The following BPIFC variants were observed in gnomAD, a reference collection of about 807,000 sequenced individuals.
The protein encoded by BPIFC is BPI fold containing family C.
In BPIFC, 60 loss-of-function variants were observed where a neutral mutation model predicts 57.6. The observed-to-expected ratio is 1.04, with a 90% confidence interval of 0.85 to 1.29. BPIFC has a LOEUF of 1.29. Ranked by LOEUF, BPIFC falls within the 50% of genes most tolerant of loss-of-function variation. The probability of loss-of-function intolerance (pLI) is 0.00; values close to 1 mark genes in which losing one functional copy is unlikely to be tolerated. For synonymous variants in BPIFC, 243 were observed against 224.5 expected, an observed-to-expected ratio of 1.08 and a Z score of -0.74; for missense variants, 581 against 600.5, an observed-to-expected ratio of 0.97 and a Z score of 0.34.
intron 7 of BPIFC, 71 bp from the exon 8 acceptor site, chr22:32,442,802 A>G (rs1431686327): frequency 1.9e-5 from 27 of 1,430,216 alleles, no homozygotes; most frequent in Non-Finnish European, 2.4e-5. Context: ...TGATGGGCCT[A>G]GACCCTGCAA....
chr22:32,427,168 C>A (rs549327480), intron 13 of BPIFC, among the ~76,000 whole-genome samples: 1 of 152,112 alleles, frequency 6.6e-6, no homozygotes, highest in African/African-American at 2.4e-5. Flanking sequence ...CACACATTTC[C>A]GGGATGATGT....
At chr22:32,449,571 C>T (rs994550328) in intron 4 of BPIFC, among the ~76,000 whole-genome samples, 2 of 152,042 alleles carry the variant, frequency 1.3e-5, no homozygotes, top group African/African-American at 4.8e-5. Flanking sequence ...CAGGTCTAAC[C>T]AATTCTTTAT....
rs1568955732 is a variant in BPIFC at position 32,446,881 on chromosome 22, T to A, written c.374+331A>T. On this transcript the variant is annotated intron_variant, in intron 5 of 16. Coordinates refer to ENST00000300399, the MANE Select transcript of BPIFC (RefSeq NM_174932.3). ...CCTGCAGATGGGGAAGTGTGTTGAA[T>A]GGCTGGCTCAAGATCATGCAGTGAT... 4 of 857,000 alleles carry A rather than the reference T, an allele frequency of 4.7e-6. No individual in the cohort carries two copies. In the East Asian group the frequency reaches 3.6e-4, roughly 78 times the overall value. 53.1% of individuals were successfully genotyped at this position (857,000 alleles called of 1,614,324 possible). A position where few individuals can be genotyped will look rare whatever the true frequency, so the allele number is the denominator to read the frequency against.
chr22:32,453,175 C>G (rs1934941089), intron 4 of BPIFC, among the ~76,000 whole-genome samples: 1 of 152,146 alleles, frequency 6.6e-6, no homozygotes, highest in Non-Finnish European at 1.5e-5. Flanking sequence ...CTTTTAGCTG[C>G]CTGAAACATG....
chr22:32,447,072 TG>T, intron 5 of BPIFC, 139 bp downstream of exon 5: 1 of 1,238,536 alleles, frequency 8.1e-7, no homozygotes, highest in Non-Finnish European at 1.1e-6. Context: ...AAGCCTCACC[TG>T]GAAAAAAATG....
intron 13 of BPIFC, among the ~76,000 whole-genome samples, chr22:32,427,105 T>C (rs1002230100): frequency 6.6e-6 from 1 of 152,142 alleles, no homozygotes; most frequent in Non-Finnish European, 1.5e-5. Flanking sequence ...TCAGGGTTCA[T>C]GTTCATGAGG....
At chr22:32,418,675 C>T (rs1294298224) in intron 14 of BPIFC, among the ~76,000 whole-genome samples, 1 of 152,032 alleles carries the variant, frequency 6.6e-6, no homozygotes, top group African/African-American at 2.4e-5. Flanking sequence ...AAATGAATAC[C>T]GTTAATACTA....
intron 13 of BPIFC, among the ~76,000 whole-genome samples, chr22:32,421,120 G>A (rs181123953): frequency 2.0e-5 from 3 of 152,324 alleles, no homozygotes; most frequent in Non-Finnish European, 4.4e-5. Context: ...AAGGCTGAGT[G>A]ACAGCGTGTC....
At chr22:32,429,505 C>CTTT (rs1934169835) in intron 13 of BPIFC, among the ~76,000 whole-genome samples, 2 of 101,498 alleles carry the variant, frequency 2.0e-5, no homozygotes, top group Admixed American at 1.1e-4. Context: ...GGCAACTGGC[C>CTTT]TTTGTTTTTT....
At chr22:32,444,637 C>G (rs771267658) in intron 7 of BPIFC, among the ~76,000 whole-genome samples, 6 of 152,310 alleles carry the variant, frequency 3.9e-5, no homozygotes, top group Middle Eastern at 6.8e-3. Context: ...AGACTAGAAG[C>G]CTTATAGCTT....
In BPIFC at chr22:32,435,796, G is replaced by A; in HGVS notation, c.832C>T (p.Leu278Phe). 1.9e-6 allele frequency: 3 copies of A among 1,614,166 alleles called. No homozygotes were observed. Among genetic ancestry groups the A allele is most frequent in the Middle Eastern group, 3.3e-4 (2 of 6,062 alleles). Reference protein sequence around the residue: ...FVLPERSNSMLYIGIAEYFFK... With the variant: ...FVLPERSNSMFYIGIAEYFFK... ...AAATACTCGGCGATTCCAATGTAGAGCATGGAGTTGCTGCGTTCTGGGAGC... is the reference window on the plus strand; with the variant it reads ...AAATACTCGGCGATTCCAATGTAGAACATGGAGTTGCTGCGTTCTGGGAGC... Residue 278 changes from leucine to phenylalanine, a missense_variant, in exon 10 of 17, where the codon CTC becomes TTC. Physicochemically the swap from Leu to Phe is conservative, Grantham distance 22. Transcript: ENST00000300399.
chr22:32,457,558 CGT>C (rs1935069183), intron 2 of BPIFC, among the ~76,000 whole-genome samples, 172 bp from the exon 3 acceptor site: 1 of 144,714 alleles, frequency 6.9e-6, no homozygotes. Flanking sequence ...ACCATCCATC[CGT>C]CCATCCATCC....
At chr22:32,434,264 T>C (rs1318751166) in intron 10 of BPIFC, among the ~76,000 whole-genome samples, 6 of 149,514 alleles carry the variant, frequency 4.0e-5, no homozygotes, top group African/African-American at 1.5e-4. Flanking sequence ...TATGTGTACA[T>C]ATTCTTCATT....
In BPIFC at chr22:32,445,713, G is replaced by GAAAAAAAACAAAAAAAAAAAA; in HGVS notation, c.531-16_531-15insTTTTTTTTTTTTGTTTTTTTT. 1.4e-6 allele frequency: 1 copy of GAAAAAAAACAAAAAAAAAAAA among 707,314 alleles called. No homozygotes were observed. The highest frequency in any genetic ancestry group is 1.9e-6 in the Non-Finnish European group (1 of 517,030). The allele number at this position is 707,314 out of a possible 1,614,324, so 43.8% of individuals were successfully genotyped here. On this transcript the variant is annotated splice_polypyrimidine_tract_variant and intron_variant, in intron 6 of 16. Transcript: ENST00000300399. ...TATACAGAACACTGAGGAAAAAAAT[G>GAAAAAAAACAAAAAAAAAAAA]AAAAAAAAAAAAAAAAAAAAAAGAG...
In BPIFC at chr22:32,433,746, A is replaced by G. The variant is rs773736507; in HGVS notation, c.951T>C (p.Ser317=). The G allele has an allele frequency of 4.3e-6, 7 of 1,613,928 alleles. No homozygotes were observed. The highest frequency in any genetic ancestry group is 5.9e-6 in the Non-Finnish European group (7 of 1,179,942). The part of the protein sequence containing the change: ...EEISNHFVQN[S]QGLGNVLSRI... ...GGGAGAGCACGTTGCCAAGGCCTTG[A>G]GAGTTTTGAACAAAATGGTTGGAAA... Residue 317 remains serine (S), a synonymous_variant, in exon 11 of 17, where the codon TCT becomes TCC. Transcript: ENST00000300399.
At position 32,432,394 on chromosome 22, in the gene BPIFC, T is replaced by C; in HGVS notation, c.1128A>G (p.Glu376=). 6.2e-7 allele frequency: 1 copy of C among 1,614,044 alleles called. No homozygotes were observed. Among genetic ancestry groups the C allele is most frequent in the Non-Finnish European group, 8.5e-7 (1 of 1,180,012 alleles). The change falls in exon 12 of 17, where the codon GAA becomes GAG. Residue 376 remains glutamate, a synonymous_variant. Coordinates refer to ENST00000300399, the MANE Select transcript of BPIFC (RefSeq NM_174932.3). ...TTACGAAGTCCATGGAAACGATGGT[T>C]TCAACTGTGGAGTTCTTGGGTTGGG... ...MLTQPKNSTV[E]TIVSMDFVAS...
intron 13 of BPIFC, among the ~76,000 whole-genome samples, chr22:32,421,975 C>T (rs983356716): frequency 3.9e-5 from 6 of 152,036 alleles, no homozygotes; most frequent in East Asian, 1.9e-4. Flanking sequence ...GAATGGGGAA[C>T]GGAGTGGGGA....
intron 13 of BPIFC, among the ~76,000 whole-genome samples, chr22:32,429,610 G>A (rs1220180638): frequency 2.1e-5 from 3 of 142,284 alleles, no homozygotes; most frequent in Non-Finnish European, 4.5e-5. Flanking sequence ...TCCACCTCCC[G>A]GCTTCAAGCA....
intron 2 of BPIFC, among the ~76,000 whole-genome samples, chr22:32,458,081 C>A (rs978972541): frequency 6.6e-6 from 1 of 152,126 alleles, no homozygotes; most frequent in South Asian, 2.1e-4. Context: ...CCATTAAAGC[C>A]CTTCAGTGGT....
Sources: gnomAD v4.1 joint callset for allele counts (sites outside exome capture counted in the v4.1 genomes callset) on GRCh38, gnomAD v4.1.1 for gene constraint, MANE v1.5 for transcripts, NCBI Gene and HGNC (gene_info 2026-07-23, HGNC 2026-07-21) for gene names.